The following KHNYN variants were observed in gnomAD, a reference collection of about 807,000 sequenced individuals.
KHNYN encodes the protein protein KHNYN.
KHNYN carries 42 observed loss-of-function variants against 62.7 expected under a neutral mutation model. The ratio of observed to expected loss-of-function variants is 0.67; its 90% confidence interval spans 0.52 to 0.87. The LOEUF (loss-of-function observed/expected upper bound fraction) is 0.87, where lower values mean the gene tolerates loss of function less well. KHNYN is among the 40% of genes least tolerant of loss of function. The pLI is 0.00. For missense variants in KHNYN, 829 were observed against 874.1 expected (o/e 0.95, Z 0.65); for synonymous variants, 347 against 345.6 (o/e 1.00, Z -0.04).
At chr14:24,429,069 G>A (rs1170742120), upstream of KHNYN, 1 of 1,479,330 alleles carries the variant, frequency 6.8e-7, no homozygotes, top group Admixed American at 2.5e-5. Context: ...GAGGGGCTCT[G>A]CAACCCACAA....
rs370436185 is a variant in KHNYN, at chr14:24,436,141, G to A, written c.1647G>A (p.Ala549=). Residue 549 remains alanine (A), a synonymous_variant, in exon 6 of 8, where the codon GCG becomes GCA. Coordinates refer to ENST00000553935, the MANE Select transcript of KHNYN (RefSeq NM_015299.3). ...IVSNDQFRDL[A]EESEKWMAII... ...CCAATGACCAGTTCCGGGACCTGGC[G>A]GAGGAGTCTGAGAAGTGGATGGCAA... 2.0e-5 allele frequency: 32 copies of A among 1,614,118 alleles called. No individual in the cohort carries two copies. The highest frequency in any genetic ancestry group is 1.6e-4 in the South Asian group (15 of 91,086).
chr14:24,436,321 G>C, intron 6 of KHNYN, 67 bp from the exon 7 acceptor site: 1 of 1,459,122 alleles, frequency 6.9e-7, no homozygotes, highest in South Asian at 1.1e-5. Flanking sequence ...TGGTGATACT[G>C]GTCTCGGTTG....
chr14:24,434,245 A>G (rs2043170854), intron 5 of KHNYN: 1 of 985,460 alleles, frequency 1.0e-6, no homozygotes, highest in Non-Finnish European at 1.2e-6. Flanking sequence ...ATAACATAAT[A>G]TAAATTGGGA....
chr14:24,432,877 TC>T lies in KHNYN; in HGVS notation c.1480+28del. 6.2e-7 allele frequency: 1 copy of T among 1,614,210 alleles called. No homozygotes were observed. On this transcript the variant is annotated intron_variant, in intron 4 of 7. Coordinates refer to ENST00000553935, the MANE Select transcript of KHNYN (RefSeq NM_015299.3). This position sits in a 1 kb window ranked among gnomAD's most constrained non-coding sequence, Gnocchi z 5.6. ...GGTGAGTTGGGCCTGGTCTTCAGTG[TC>T]CCAGGATAGGCTCTGTTTCCACTTT... is the stretch of plus-strand genomic sequence containing the variant.
the KHNYN span, among the ~76,000 whole-genome samples, chr14:24,423,907 A>G: frequency 6.6e-6 from 1 of 152,218 alleles, no homozygotes; most frequent in Non-Finnish European, 1.5e-5. Context: ...TTTATTGTTT[A>G]ATCTATTCAC....
Position 24,431,577 on chromosome 14 carries a change from A to T in KHNYN, c.316A>T (p.Ser106Cys). Residue 106 changes from serine to cysteine, a missense_variant, in exon 3 of 8, where the codon AGC (serine) becomes TGC (cysteine). Transcript: ENST00000553935. Reference sequence around the variant, plus strand: ...CTTCTTCCTTGACTGCCTGGCCTGGAGCACGTCAGCCCATCTGGTGCCCAG... The same window carrying T: ...CTTCTTCCTTGACTGCCTGGCCTGGTGCACGTCAGCCCATCTGGTGCCCAG... Reference protein sequence around the residue: ...QGFFLDCLAWSTSAHLVPRAP... With the variant: ...QGFFLDCLAWCTSAHLVPRAP... 3 of 1,613,256 alleles carry T rather than the reference A, an allele frequency of 1.9e-6. No homozygotes were observed. The highest frequency in any genetic ancestry group is 2.5e-6 in the Non-Finnish European group (3 of 1,179,368).
upstream of KHNYN, chr14:24,427,978 C>A (rs753295530): frequency 1.2e-6 from 2 of 1,613,196 alleles, no homozygotes; most frequent in Admixed American, 3.3e-5. This position sits in a 1 kb window ranked among gnomAD's most constrained non-coding sequence, Gnocchi z 4.4. Context: ...TGTTCAGCAT[C>A]AGGCTCACCT....
At chr14:24,431,076 C>T in intron 2 of KHNYN, 145 bp downstream of exon 2, 1 of 728,638 alleles carries the variant, frequency 1.4e-6, no homozygotes, top group Non-Finnish European at 2.2e-6. Flanking sequence ...AACCTCAGTG[C>T]CCCTGAGTTT....
Position 24,436,945 on chromosome 14 carries a change from ATAGGCAGGACAAT to A in KHNYN, c.1788-88_1788-76del, listed in dbSNP as rs555006093. ...CAGGATTTCTCCCCCAAAGCCAGGAATAGGCAGGACAATTACGAGAGGGGTGCCCACTAAGATC... is the reference window on the plus strand; with the variant it reads ...CAGGATTTCTCCCCCAAAGCCAGGAATACGAGAGGGGTGCCCACTAAGATC... On this transcript the variant is annotated intron_variant, in intron 7 of 7. Coordinates refer to ENST00000553935, the MANE Select transcript of KHNYN (RefSeq NM_015299.3). 133 of 1,495,406 alleles carry A rather than the reference ATAGGCAGGACAAT, an allele frequency of 8.9e-5. No individual in the cohort carries two copies. In the South Asian group the frequency reaches 1.7e-3, roughly 19 times the overall value. 92.6% of individuals were successfully genotyped at this position (1,495,406 alleles called of 1,614,324 possible). A position where few individuals can be genotyped will look rare whatever the true frequency, so the allele number is the denominator to read the frequency against.
Position 24,437,700 on chromosome 14 carries a change from T to G in KHNYN, c.*415T>G. 5.9e-6 allele frequency: 1 copy of G among 169,230 alleles called. No individual in the cohort carries two copies. Among genetic ancestry groups the G allele is most frequent in the Non-Finnish European group, 1.3e-5 (1 of 78,224 alleles). 10.5% of individuals were successfully genotyped at this position (169,230 alleles called of 1,614,324 possible). ...ATGGCCAGAGAACAAGATGCTCCCT[T>G]GCTGAGCTCCTGGGAGCGTGGAAGG... On this transcript the variant is annotated 3_prime_UTR_variant, in exon 8 of 8. Coordinates refer to ENST00000553935, the MANE Select transcript of KHNYN (RefSeq NM_015299.3). The surrounding 1 kb of genome is among the most constrained non-coding windows in gnomAD (Gnocchi z 5.5).
intron 5 of KHNYN, chr14:24,434,109 A>T (rs561404318): frequency 1.0e-6 from 1 of 980,644 alleles, no homozygotes; most frequent in East Asian, 1.1e-4. Context: ...GATGTCACAG[A>T]TTACCCAAGA....
In KHNYN at chr14:24,440,419, G is replaced by A. The variant is rs760853567; in HGVS notation, c.*3134G>A. On this transcript the variant is annotated 3_prime_UTR_variant, in exon 8 of 8. Coordinates refer to ENST00000553935, the MANE Select transcript of KHNYN (RefSeq NM_015299.3). Reference sequence around the variant, plus strand: ...GGAAGAATTGGTGGCCTGAGCCGATGGGGCCCCCCAGGCCCAGGCGAAAGG... The same window carrying A: ...GGAAGAATTGGTGGCCTGAGCCGATAGGGCCCCCCAGGCCCAGGCGAAAGG... 2.5e-6 allele frequency: 4 copies of A among 1,613,104 alleles called. No individual in the cohort carries two copies. The African/African-American group carries it at 4.0e-5, about 16-fold the overall frequency.
At chr14:24,429,699 C>G, upstream of KHNYN, 1 of 985,420 alleles carries the variant, frequency 1.0e-6, no homozygotes, top group Non-Finnish European at 1.2e-6. Flanking sequence ...CATCTTTATT[C>G]GCGGGAAACA....
chr14:24,430,598 G>A, intron 1 of KHNYN, 116 bp from the exon 2 acceptor site: 2 of 1,457,714 alleles, frequency 1.4e-6, no homozygotes, highest in Non-Finnish European at 1.8e-6. Flanking sequence ...TCACCTCCTG[G>A]GGCTGTTTAC....
upstream of KHNYN, chr14:24,428,455 C>T (rs758155600): frequency 7.5e-6 from 12 of 1,607,222 alleles, no homozygotes; most frequent in Non-Finnish European, 1.0e-5. Context: ...GCCCATGGCT[C>T]AGGGGTACCA....
upstream of KHNYN, chr14:24,429,781 A>G: frequency 2.0e-6 from 2 of 985,162 alleles, no homozygotes; most frequent in Non-Finnish European, 2.4e-6. Flanking sequence ...GGGCCGGGAG[A>G]CAGACGGGAG....
At position 24,432,484 on chromosome 14, in the gene KHNYN, A is replaced by T. The variant is rs753676327; in HGVS notation, c.1223A>T (p.Asn408Ile). 6 of 1,613,758 alleles carry T rather than the reference A, an allele frequency of 3.7e-6. No individual in the cohort carries two copies. The highest frequency in any genetic ancestry group is 5.1e-6 in the Non-Finnish European group (6 of 1,179,980). The change falls in exon 3 of 8, where the codon AAC (asparagine) becomes ATC (isoleucine). Residue 408 changes from asparagine to isoleucine, a missense_variant. Around this residue, in one of 2 missense-constraint regions of KHNYN, gnomAD observed 559 missense variants for 527.0 expected, o/e 1.06. Transcript: ENST00000553935. This position sits in a 1 kb window ranked among gnomAD's most constrained non-coding sequence, Gnocchi z 5.6. ...PQWKRGARGG[N>I]LVTGTQRFKE... ...TGGAAACGAGGCGCCCGAGGGGGCA[A>T]CTTGGTGACTGGCACACAGCGTTTC...
chr14:24,426,833 T>A (rs1382285518), upstream of KHNYN: 1 of 152,034 alleles, frequency 6.6e-6, no homozygotes, highest in East Asian at 1.9e-4. Context: ...ACAGCACAGA[T>A]CAGGAGAAAG....
Position 24,440,852 on chromosome 14 carries a change from G to C in KHNYN, c.*3567G>C, listed in dbSNP as rs775534562. 1.9e-6 allele frequency: 3 copies of C among 1,613,992 alleles called. No homozygotes were observed. The highest frequency in any genetic ancestry group is 1.7e-6 in the Non-Finnish European group (2 of 1,179,872). The stretch of plus-strand genomic sequence containing the variant: ...GCTGCAGCTTCCCATTTGGTTACGA[G>C]GTTGGAGAAAAAGTCAAAGTCCCCT... On this transcript the variant is annotated 3_prime_UTR_variant, in exon 8 of 8. Coordinates refer to ENST00000553935, the MANE Select transcript of KHNYN (RefSeq NM_015299.3).
Sources: gnomAD v4.1 joint callset for allele counts (sites outside exome capture counted in the v4.1 genomes callset) on GRCh38, gnomAD v4.1.1 for gene constraint, gnomAD v4.1.1 regional missense constraint, Gnocchi (gnomAD v3.1) non-coding constraint, MANE v1.5 for transcripts, NCBI Gene and HGNC (gene_info 2026-07-23, HGNC 2026-07-21) for gene names.